CCDC7: variants seen among roughly 807,000 people sequenced by gnomAD.
The protein encoded by CCDC7 is coiled-coil domain containing 7, also known as coiled-coil domain-containing protein 7.
Under a neutral mutation model 196.9 loss-of-function variants are expected in CCDC7, and 183 were observed. The ratio of observed to expected loss-of-function variants is 0.93; its 90% CI spans 0.82 to 1.05. The LOEUF (loss-of-function observed/expected upper bound fraction) is 1.05, where lower values mean the gene tolerates loss of function less well. Among genes scored for constraint, CCDC7 ranks in the 50% least tolerant of loss-of-function variants. The pLI is 0.00. For synonymous variants in CCDC7, 525 were observed against 484.6 expected, an observed-to-expected ratio of 1.08 and a Z score of -1.10; for missense variants, 1,540 against 1,482.2, an observed-to-expected ratio of 1.04 and a Z score of -0.64.
At chr10:32,522,763 G>A (rs372837515) in intron 11 of CCDC7, among the ~76,000 whole-genome samples, 1 of 151,928 alleles carries the variant, frequency 6.6e-6, no homozygotes, top group African/African-American at 2.4e-5. Context: ...TTATTTATGT[G>A]AAATTTTTCT....
intron 41 of CCDC7, among the ~76,000 whole-genome samples, chr10:32,868,675 A>C (rs2094304109): frequency 6.6e-6 from 1 of 151,038 alleles, no homozygotes; most frequent in Non-Finnish European, 1.5e-5. Context: ...CCATTAACTC[A>C]TCATTTAACA....
In CCDC7 at chr10:32,485,141, G is replaced by A. The variant is rs573918744; in HGVS notation, c.797-6781G>A. Among the ~76,000 whole-genome samples, 910 of 152,260 alleles carry A rather than the reference G, an allele frequency of 6.0e-3. 9 individuals carry two copies. Among genetic ancestry groups the A allele is most frequent in the African/African-American group, 0.021 (867 of 41,548 alleles). ...TCCATCTGGTCCTGGACTTTTTTTGGTTGGTAAGCTATTAATTATTGCCTC... is the reference window on the plus strand; with the variant it reads ...TCCATCTGGTCCTGGACTTTTTTTGATTGGTAAGCTATTAATTATTGCCTC... On this transcript the variant is annotated intron_variant, in intron 8 of 41. Coordinates refer to ENST00000639629, the Ensembl canonical transcript of CCDC7.
intron 24 of CCDC7, among the ~76,000 whole-genome samples, chr10:32,702,613 A>G (rs1411263167): frequency 6.6e-6 from 1 of 152,136 alleles, no homozygotes; most frequent in Non-Finnish European, 1.5e-5. Context: ...TAATGTTGAC[A>G]GTGGGGTGTT....
In CCDC7 at chr10:32,851,876, CTGGT is replaced by C; in HGVS notation, c.3966_3969del (p.Gly1323GlnfsTer12). ...AAAGCAATTTATAGAACATATAGGG[CTGGT>C]CCAAGCTTTTCTAAAGACATCCACC... On this transcript the variant is annotated frameshift_variant, in exon 40 of 42. Coordinates refer to ENST00000639629, the Ensembl canonical transcript of CCDC7. LOFTEE classifies it high-confidence loss of function. 6.2e-7 allele frequency: 1 copy of C among 1,611,566 alleles called. No homozygotes were observed. Among genetic ancestry groups the C allele is most frequent in the South Asian group, 1.1e-5 (1 of 90,468 alleles).
chr10:32,626,900 T>G (rs2064120720), intron 18 of CCDC7, among the ~76,000 whole-genome samples: 1 of 151,992 alleles, frequency 6.6e-6, no homozygotes, highest in Admixed American at 6.6e-5. Flanking sequence ...GCGTGTTCCA[T>G]TGGTTGGTGT....
At chr10:32,523,581 C>T (rs2048205201) in intron 11 of CCDC7, among the ~76,000 whole-genome samples, 1 of 151,268 alleles carries the variant, frequency 6.6e-6, no homozygotes, top group Admixed American at 6.6e-5. Context: ...GTGTTTAAGT[C>T]TCCAGCTATT....
At chr10:32,636,315 G>A (rs1207345068) in intron 20 of CCDC7, among the ~76,000 whole-genome samples, 1 of 152,068 alleles carries the variant, frequency 6.6e-6, no homozygotes, top group African/African-American at 2.4e-5. Context: ...TGCCATGTTT[G>A]TGTGCTGCAC....
chr10:32,586,609 C>T (rs987199492), intron 18 of CCDC7, among the ~76,000 whole-genome samples: 1 of 152,134 alleles, frequency 6.6e-6, no homozygotes, highest in African/African-American at 2.4e-5. Context: ...CCACTTTTCC[C>T]AACACCATTT....
At chr10:32,728,094 C>T (rs2083385944) in intron 26 of CCDC7, among the ~76,000 whole-genome samples, 1 of 152,150 alleles carries the variant, frequency 6.6e-6, no homozygotes, top group Non-Finnish European at 1.5e-5. Context: ...CATACACCCC[C>T]TTTCTTTCTC....
At chr10:32,712,724 G>A (rs891008389) in intron 25 of CCDC7, among the ~76,000 whole-genome samples, 2 of 152,132 alleles carry the variant, frequency 1.3e-5, no homozygotes, top group Non-Finnish European at 2.9e-5. Context: ...AAGGACATTT[G>A]CTATGTCAAT....
chr10:32,473,438 G>A (rs1004371749), intron 7 of CCDC7, among the ~76,000 whole-genome samples: 1 of 152,216 alleles, frequency 6.6e-6, no homozygotes, highest in Non-Finnish European at 1.5e-5. Context: ...TGGATGCTCT[G>A]CTAAGGAGCT....
intron 20 of CCDC7, among the ~76,000 whole-genome samples, chr10:32,655,510 CTATT>C (rs770594904): frequency 2.0e-5 from 3 of 151,826 alleles, no homozygotes; most frequent in East Asian, 1.9e-4. Flanking sequence ...TACTTGTTGA[CTATT>C]TATGTGTCTT....
rs923247378 is a variant in CCDC7, at chr10:32,634,239, A to C, written c.1802-15A>C. ...CTTTCTCTATTTGGTAGACTAAATG[A>C]ATCTTTTTATGTAGCTGACAGTGAA... On this transcript the variant is annotated splice_polypyrimidine_tract_variant and intron_variant, in intron 18 of 41. Coordinates refer to ENST00000639629, the Ensembl canonical transcript of CCDC7. 3.6e-6 allele frequency: 4 copies of C among 1,112,304 alleles called. No individual in the cohort carries two copies. In the African/African-American group the frequency reaches 4.9e-5, roughly 13 times the overall value. The allele number at this position is 1,112,304 out of a possible 1,614,324, so 68.9% of individuals were successfully genotyped here. A position where few individuals can be genotyped will look rare whatever the true frequency, so the allele number is the denominator to read the frequency against.
chr10:32,821,753 T>C (rs968634473), intron 31 of CCDC7, among the ~76,000 whole-genome samples: 2 of 152,012 alleles, frequency 1.3e-5, no homozygotes, highest in African/African-American at 4.8e-5. Context: ...TAGGTGGGAA[T>C]TGAACAATGA....
intron 29 of CCDC7, among the ~76,000 whole-genome samples, chr10:32,803,307 G>A (rs992290029): frequency 6.6e-6 from 1 of 152,128 alleles, no homozygotes; most frequent in Non-Finnish European, 1.5e-5. Flanking sequence ...TTGATTTTCT[G>A]TCTAGATGAT....
At chr10:32,589,832 A>G (rs1304879432) in intron 18 of CCDC7, among the ~76,000 whole-genome samples, 1 of 151,976 alleles carries the variant, frequency 6.6e-6, no homozygotes, top group Middle Eastern at 3.4e-3. Flanking sequence ...TATAGTTTTT[A>G]TCTTGAAATG....
At chr10:32,564,334 A>C (rs2056373148) in intron 13 of CCDC7, among the ~76,000 whole-genome samples, 2 of 152,298 alleles carry the variant, frequency 1.3e-5, no homozygotes, top group African/African-American at 4.8e-5. Context: ...TCATGCTGCT[A>C]TAAAGACACA....
intron 25 of CCDC7, among the ~76,000 whole-genome samples, chr10:32,715,724 A>G (rs994897681): frequency 5.9e-5 from 9 of 152,244 alleles, no homozygotes; most frequent in African/African-American, 2.2e-4. Context: ...GATGGAGCTG[A>G]AAAACACAGC....
chr10:32,850,079 A>G (rs1396981088), intron 39 of CCDC7, among the ~76,000 whole-genome samples: 1 of 152,174 alleles, frequency 6.6e-6, no homozygotes, highest in Non-Finnish European at 1.5e-5. Context: ...ATAAGGAAAC[A>G]ATACCAGGAT....
Sources: gnomAD v4.1 joint callset for allele counts (sites outside exome capture counted in the v4.1 genomes callset) on GRCh38, gnomAD v4.1.1 for gene constraint, MANE v1.5 for transcripts, NCBI Gene and HGNC (gene_info 2026-07-23, HGNC 2026-07-21) for gene names.